The following ALPK1 variants were observed in gnomAD, a reference collection of about 807,000 sequenced individuals.
ALPK1 encodes the protein alpha kinase 1.
A neutral mutation model predicts 120.6 loss-of-function variants in ALPK1; 110 were observed. The ratio of observed to expected loss-of-function variants is 0.91; its 90% CI spans 0.78 to 1.07. The LOEUF (loss-of-function observed/expected upper bound fraction) is 1.07. Among genes scored for constraint, ALPK1 ranks in the 50% least tolerant of loss-of-function variants. ALPK1 has a pLI of 0.00. For synonymous variants in ALPK1, 582 were observed against 560.3 expected, an observed-to-expected ratio of 1.04 and a Z score of -0.55; for missense variants, 1,498 against 1,483.9, an observed-to-expected ratio of 1.01 and a Z score of -0.16.
chr4:112,301,042 A>G (rs1385843395), intron 1 of ALPK1, among the ~76,000 whole-genome samples: 1 of 149,800 alleles, frequency 6.7e-6, no homozygotes, highest in Non-Finnish European at 1.5e-5. Flanking sequence ...TTTTTTCTAC[A>G]AAAAAAAAAT....
chr4:112,333,178 C>T (rs1002709524), intron 2 of ALPK1, among the ~76,000 whole-genome samples: 2 of 152,202 alleles, frequency 1.3e-5, no homozygotes, highest in African/African-American at 2.4e-5. Flanking sequence ...GCAGGTCAAA[C>T]CATTCTGATT....
chr4:112,361,860 A>C (rs1042947137), intron 2 of ALPK1, among the ~76,000 whole-genome samples: 1 of 152,254 alleles, frequency 6.6e-6, no homozygotes, highest in Non-Finnish European at 1.5e-5. Flanking sequence ...CCTCCACTGG[A>C]GTAGGTGCTG....
At chr4:112,335,827 G>A (rs1049923184) in intron 2 of ALPK1, among the ~76,000 whole-genome samples, 1 of 152,168 alleles carries the variant, frequency 6.6e-6, no homozygotes. Context: ...GAGGACAGGT[G>A]CAGGGCTTTC....
At chr4:112,302,061 T>G (rs1727812649) in intron 1 of ALPK1, among the ~76,000 whole-genome samples, 1 of 146,936 alleles carries the variant, frequency 6.8e-6, no homozygotes, top group Non-Finnish European at 1.5e-5. Context: ...GCTCTCAAAT[T>G]TTATACTTCA....
At chr4:112,392,574 T>A (rs928050165) in intron 4 of ALPK1, among the ~76,000 whole-genome samples, 2 of 152,250 alleles carry the variant, frequency 1.3e-5, no homozygotes, top group African/African-American at 4.8e-5. Context: ...CAGGCTGCAG[T>A]GCAGTACAGT....
rs373918792 is a variant in ALPK1, at chr4:112,411,894, A to C, written c.344A>C (p.Asp115Ala). 6.2e-7 allele frequency: 1 copy of C among 1,613,678 alleles called. No homozygotes were observed. The highest frequency in any genetic ancestry group is 1.3e-5 in the African/African-American group (1 of 74,782). ...GCGGCGGCTATTGTGTTCTTGGTGGACCGGTTCCTGTATGGGCTCGACGTC... is the reference window on the plus strand; with the variant it reads ...GCGGCGGCTATTGTGTTCTTGGTGGCCCGGTTCCTGTATGGGCTCGACGTC... ...AAAAAIVFLV[D>A]RFLYGLDVSG... The change falls in exon 5 of 16, where the codon GAC (aspartate) becomes GCC (alanine). Residue 115 changes from aspartate (D) to alanine (A), a missense_variant. Coordinates refer to ENST00000650871, the MANE Select transcript of ALPK1 (RefSeq NM_025144.4).
chr4:112,347,776 G>A (rs1730163350), intron 2 of ALPK1, among the ~76,000 whole-genome samples: 1 of 152,216 alleles, frequency 6.6e-6, no homozygotes, highest in African/African-American at 2.4e-5. Flanking sequence ...TTCTAAGTTA[G>A]CTATGAAAGC....
intron 2 of ALPK1, among the ~76,000 whole-genome samples, chr4:112,365,011 T>G (rs1041116165): frequency 3.3e-5 from 5 of 152,230 alleles, no homozygotes; most frequent in Non-Finnish European, 5.9e-5. Context: ...CAGTATTACT[T>G]TATGATTGAA....
In ALPK1 at chr4:112,358,901, CTT is replaced by C. The variant is rs897884127; in HGVS notation, c.-100-18775_-100-18774del. The C allele has an allele frequency of 3.9e-6, 3 of 770,454 alleles. No individual in the cohort carries two copies. The Admixed American group carries it at 5.1e-5, about 13-fold the overall frequency. The allele number at this position is 770,454 out of a possible 1,614,324, so 47.7% of individuals were successfully genotyped here. A position where few individuals can be genotyped will look rare whatever the true frequency, so the allele number is the denominator to read the frequency against. On this transcript the variant is annotated intron_variant, in intron 2 of 15. Transcript: ENST00000650871. ...CCCTGGCGACCTGTCTTGGCCTCCTCTTTGCTGAAAACCCCAAGAAGCACAGC... is the reference window on the plus strand; with the variant it reads ...CCCTGGCGACCTGTCTTGGCCTCCTCTGCTGAAAACCCCAAGAAGCACAGC...
intron 2 of ALPK1, among the ~76,000 whole-genome samples, chr4:112,372,887 A>C (rs1029496200): frequency 6.6e-6 from 1 of 152,164 alleles, no homozygotes; most frequent in Non-Finnish European, 1.5e-5. Flanking sequence ...AAGAAAACAT[A>C]AGCCTTTAGA....
intron 2 of ALPK1, among the ~76,000 whole-genome samples, chr4:112,339,590 C>T (rs373669408): frequency 6.6e-6 from 1 of 152,048 alleles, no homozygotes; most frequent in South Asian, 2.1e-4. Flanking sequence ...ATATAGACTT[C>T]ACTAATTTTC....
At chr4:112,389,508 TG>T (rs1299761382) in intron 4 of ALPK1, among the ~76,000 whole-genome samples, 17 of 152,350 alleles carry the variant, frequency 1.1e-4, no homozygotes, top group African/African-American at 4.1e-4. Flanking sequence ...GCCAAATGTC[TG>T]GTGTCTCTAA....
intron 2 of ALPK1, among the ~76,000 whole-genome samples, chr4:112,361,797 T>C (rs1157212883): frequency 1.3e-5 from 2 of 152,174 alleles, no homozygotes; most frequent in African/African-American, 2.4e-5. Flanking sequence ...ACCGGTGCAC[T>C]AAACAAAAAC....
At chr4:112,311,652 T>A (rs1451542770) in intron 1 of ALPK1, among the ~76,000 whole-genome samples, 1 of 152,208 alleles carries the variant, frequency 6.6e-6, no homozygotes, top group African/African-American at 2.4e-5. Flanking sequence ...CCTTCCTGAC[T>A]TTCACAGCCA....
intron 2 of ALPK1, among the ~76,000 whole-genome samples, chr4:112,333,359 GT>G (rs1729469156): frequency 6.6e-6 from 1 of 152,202 alleles, no homozygotes; most frequent in Non-Finnish European, 1.5e-5. Context: ...TCACTAATAT[GT>G]TTTGTAATGC....
In ALPK1 at chr4:112,330,772, G is replaced by C. The variant is rs186418543; in HGVS notation, c.-101+14920G>C. Among the ~76,000 whole-genome samples the C allele has an allele frequency of 2.0e-5, 3 of 152,310 alleles. No individual in the cohort carries two copies. In the East Asian group the frequency reaches 5.8e-4, roughly 29 times the overall value. ...GCTCTGTTAAGGCCAGCTGCTCCAG[G>C]GTTATGGTATGACCGATCGATGAAT... On this transcript the variant is annotated intron_variant, in intron 2 of 15. Transcript: ENST00000650871.
intron 6 of ALPK1, 81 bp downstream of exon 6, chr4:112,424,084 A>T: frequency 7.6e-7 from 1 of 1,311,594 alleles, no homozygotes. Context: ...TAGTGACTTA[A>T]TAGTTACTAT....
intron 14 of ALPK1, among the ~76,000 whole-genome samples, chr4:112,440,427 T>C (rs184155180): frequency 6.6e-6 from 1 of 152,314 alleles, no homozygotes; most frequent in East Asian, 1.9e-4. Context: ...CTATACTTCA[T>C]GTAAATTATA....
chr4:112,429,120 A>G (rs1734408664), intron 9 of ALPK1, 29 bp from the exon 10 acceptor site: 1 of 1,584,714 alleles, frequency 6.3e-7, no homozygotes, highest in Non-Finnish European at 8.7e-7. Context: ...AATTATCACC[A>G]TTCCACTTAG....
Sources: gnomAD v4.1 joint callset for allele counts (sites outside exome capture counted in the v4.1 genomes callset) on GRCh38, gnomAD v4.1.1 for gene constraint, MANE v1.5 for transcripts, NCBI Gene and HGNC (gene_info 2026-07-23, HGNC 2026-07-21) for gene names.